Variants in DOCK5 observed in about 807,000 individuals in gnomAD.
DOCK5 encodes the protein dedicator of cytokinesis 5, also known as dedicator of cytokinesis protein 5.
A neutral mutation model predicts 251.8 loss-of-function variants in DOCK5; 142 were observed. The observed-to-expected ratio is 0.56, with a 90% CI of 0.49 to 0.65. The LOEUF is 0.65. Among genes scored for constraint, DOCK5 ranks in the 30% least tolerant of loss-of-function variants. DOCK5 has a pLI of 0.00. For missense variants in DOCK5, 2,111 were observed against 2,312.3 expected (o/e 0.91, Z 1.79); for synonymous variants, 842 against 835.5 (o/e 1.01, Z -0.13).
intron 8 of DOCK5, among the ~76,000 whole-genome samples, chr8:25,299,966 G>A (rs1209215199): frequency 6.6e-6 from 1 of 152,100 alleles, no homozygotes; most frequent in South Asian, 2.1e-4. Context: ...TTTTGAGACA[G>A]AGTTTAGCTC....
At chr8:25,246,440 A>G (rs2117552335) in intron 2 of DOCK5, among the ~76,000 whole-genome samples, 1 of 152,068 alleles carries the variant, frequency 6.6e-6, no homozygotes, top group South Asian at 2.1e-4. Context: ...TGCCTGGCTA[A>G]TTTTTGTATT....
In DOCK5 at chr8:25,321,021, A is replaced by C. The variant is rs2117200362; in HGVS notation, c.1584A>C (p.Arg528Ser). ...AAGAAGTCACACGCTGTCATATAAG[A>C]TTTACCTTCCGACACAGGTCATCTC... Reference protein sequence around the residue: ...AIEEVTRCHIRFTFRHRSSQE... With the variant: ...AIEEVTRCHISFTFRHRSSQE... Residue 528 changes from arginine (R) to serine (S), a missense_variant, in exon 16 of 52, where the codon AGA (arginine) becomes AGC (serine). Around this residue, in one of 3 missense-constraint regions of DOCK5, gnomAD observed 1,717 missense variants for 1,892.4 expected, o/e 0.91. Transcript: ENST00000276440. 1.2e-6 allele frequency: 2 copies of C among 1,613,616 alleles called. No homozygotes were observed. Among genetic ancestry groups the C allele is most frequent in the South Asian group, 1.1e-5 (1 of 91,026 alleles).
At chr8:25,249,326 A>T (rs1803205573) in intron 2 of DOCK5, among the ~76,000 whole-genome samples, 1 of 152,080 alleles carries the variant, frequency 6.6e-6, no homozygotes, top group African/African-American at 2.4e-5. Flanking sequence ...TTTGTTTTTA[A>T]TAACAGCTTT....
chr8:25,226,008 C>G (rs564546800), intron 1 of DOCK5, among the ~76,000 whole-genome samples: 10 of 152,036 alleles, frequency 6.6e-5, no homozygotes, highest in Middle Eastern at 3.4e-3. Context: ...CTGAACTGTA[C>G]AATTGAAAAT....
chr8:25,323,509 G>C (rs913287865), intron 16 of DOCK5, among the ~76,000 whole-genome samples: 3 of 152,154 alleles, frequency 2.0e-5, no homozygotes, highest in Non-Finnish European at 1.5e-5. Context: ...CTGAAGTCAG[G>C]AAGGACAGCA....
At chr8:25,347,437 A>C (rs1563210453) in intron 26 of DOCK5, among the ~76,000 whole-genome samples, 1 of 152,192 alleles carries the variant, frequency 6.6e-6, no homozygotes, top group Admixed American at 6.5e-5. Context: ...ACATTATAAA[A>C]TGGAATACAT....
At chr8:25,186,431 G>A (rs1801434010) in intron 1 of DOCK5, among the ~76,000 whole-genome samples, 1 of 151,036 alleles carries the variant, frequency 6.6e-6, no homozygotes, top group African/African-American at 2.4e-5. Flanking sequence ...CCGGAGTGCA[G>A]TGGCGCAATC....
chr8:25,300,388 C>T (rs764343146), intron 8 of DOCK5, among the ~76,000 whole-genome samples, 188 bp from the exon 9 acceptor site: 14 of 152,174 alleles, frequency 9.2e-5, no homozygotes, highest in Non-Finnish European at 1.9e-4. Flanking sequence ...TTCTCTAATG[C>T]CAGGACACCC....
At chr8:25,326,860 T>C (rs575543875) in intron 18 of DOCK5, among the ~76,000 whole-genome samples, 47 of 152,340 alleles carry the variant, frequency 3.1e-4, no homozygotes, top group African/African-American at 1.0e-3. Flanking sequence ...AACCACGTTT[T>C]ATAATATAAT....
At chr8:25,275,665 A>G (rs899821083) in intron 4 of DOCK5, among the ~76,000 whole-genome samples, 2 of 152,022 alleles carry the variant, frequency 1.3e-5, no homozygotes, top group African/African-American at 2.4e-5. Context: ...TAAAACCCCC[A>G]TCTCTACTAA....
chr8:25,387,834 A>G (rs897172983), intron 40 of DOCK5, among the ~76,000 whole-genome samples: 2 of 152,100 alleles, frequency 1.3e-5, no homozygotes, highest in Non-Finnish European at 1.5e-5. Flanking sequence ...TCTAAGGCCC[A>G]TGTCTTGCTT....
At chr8:25,260,970 A>AT (rs1803562514) in intron 2 of DOCK5, among the ~76,000 whole-genome samples, 1 of 151,522 alleles carries the variant, frequency 6.6e-6, no homozygotes. Flanking sequence ...TAGTTATTTT[A>AT]TTTTTAGTTT....
chr8:25,334,338 G>T, intron 21 of DOCK5, 142 bp downstream of exon 21: 1 of 675,318 alleles, frequency 1.5e-6, no homozygotes, highest in Admixed American at 2.8e-5. Flanking sequence ...AAGCTTCCGG[G>T]TGGAAAAAGG....
intron 16 of DOCK5, among the ~76,000 whole-genome samples, chr8:25,322,228 G>A (rs1805442584): frequency 6.6e-6 from 1 of 152,242 alleles, no homozygotes; most frequent in Admixed American, 6.5e-5. Context: ...GGTCTGGTTA[G>A]GAAGATGAAC....
At position 25,213,960 on chromosome 8, in the gene DOCK5, T is replaced by C. The variant is rs910482933; in HGVS notation, c.43+29009T>C. ...TTTCAGATTTTAGAATATTTGTGTATACATACTGAGACATCTTGGGGATGG... is the reference window on the plus strand; with the variant it reads ...TTTCAGATTTTAGAATATTTGTGTACACATACTGAGACATCTTGGGGATGG... On this transcript the variant is annotated intron_variant, in intron 1 of 51. Coordinates refer to ENST00000276440, the MANE Select transcript of DOCK5 (RefSeq NM_024940.8). Among the ~76,000 whole-genome samples, 4 of 152,212 alleles carry C rather than the reference T, an allele frequency of 2.6e-5. No individual in the cohort carries two copies. The East Asian group carries it at 7.7e-4, about 29-fold the overall frequency.
Position 25,400,919 on chromosome 8 carries a change from T to A in DOCK5, c.4789-10T>A. 1 of 1,613,808 alleles carries A rather than the reference T, an allele frequency of 6.2e-7. No homozygotes were observed. ...AGCACACTGCACTCATTTTTTGCCC[T>A]TCTTTCCAGATGCCCCTGCTAACAG... On this transcript the variant is annotated splice_polypyrimidine_tract_variant and intron_variant, in intron 46 of 51. Coordinates refer to ENST00000276440, the MANE Select transcript of DOCK5 (RefSeq NM_024940.8).
chr8:25,320,268 C>T (rs376541437), intron 15 of DOCK5, among the ~76,000 whole-genome samples: 5 of 151,992 alleles, frequency 3.3e-5, no homozygotes, highest in African/African-American at 4.8e-5. Context: ...CGAAGTCACA[C>T]GAGTTCTTCA....
chr8:25,203,543 A>G (rs1801928992), intron 1 of DOCK5, among the ~76,000 whole-genome samples: 2 of 152,320 alleles, frequency 1.3e-5, no homozygotes, highest in East Asian at 3.9e-4. Context: ...ATACTTGCTC[A>G]GTTCCGATTC....
At chr8:25,268,803 C>T (rs1460459981) in intron 2 of DOCK5, 42 bp from the exon 3 acceptor site, 1 of 1,524,546 alleles carries the variant, frequency 6.6e-7, no homozygotes, top group African/African-American at 1.4e-5. Context: ...TATGATATCC[C>T]AGAAAACATA....
Sources: gnomAD v4.1 joint callset for allele counts (sites outside exome capture counted in the v4.1 genomes callset) on GRCh38, gnomAD v4.1.1 for gene constraint, gnomAD v4.1.1 regional missense constraint, MANE v1.5 for transcripts, NCBI Gene and HGNC (gene_info 2026-07-23, HGNC 2026-07-21) for gene names.